Variants in SLCO3A1 observed in about 807,000 individuals in gnomAD.
SLCO3A1 encodes the protein PGE1 transporter.
Under a neutral mutation model 63.1 loss-of-function variants are expected in SLCO3A1, and 27 were observed. The observed-to-expected ratio is 0.43, with a 90% CI of 0.32 to 0.59. SLCO3A1 has a LOEUF of 0.59. Ranked by LOEUF, SLCO3A1 falls within the 20% of genes least tolerant of loss-of-function variation. The pLI, the probability that SLCO3A1 is intolerant of heterozygous loss-of-function variation, is 0.09. For synonymous variants in SLCO3A1, 473 were observed against 409.9 expected, an observed-to-expected ratio of 1.15 and a Z score of -1.86; for missense variants, 773 against 945.8, an observed-to-expected ratio of 0.82 and a Z score of 2.40.
At chr15:91,979,029 T>C (rs1901229946) in intron 2 of SLCO3A1, among the ~76,000 whole-genome samples, 1 of 152,224 alleles carries the variant, frequency 6.6e-6, no homozygotes, top group Non-Finnish European at 1.5e-5. Flanking sequence ...GTACTAACTA[T>C]CATTTATGAC....
At chr15:92,071,504 C>T (rs2047215686) in intron 2 of SLCO3A1, among the ~76,000 whole-genome samples, 1 of 152,204 alleles carries the variant, frequency 6.6e-6, no homozygotes, top group Non-Finnish European at 1.5e-5. Context: ...GGAAAAAACA[C>T]ACGTCAGAAA....
At chr15:92,019,759 G>A (rs528062882) in intron 2 of SLCO3A1, among the ~76,000 whole-genome samples, 4 of 152,304 alleles carry the variant, frequency 2.6e-5, no homozygotes, top group Admixed American at 6.5e-5. Flanking sequence ...AACTCCAGCC[G>A]GTGTGTGTGT....
rs574772241 is a variant in SLCO3A1, at chr15:92,048,736, T to C, written c.647-46145T>C. Among the ~76,000 whole-genome samples the C allele has an allele frequency of 4.6e-5, 7 of 152,214 alleles. 1 individual carries two copies. The South Asian group carries it at 1.5e-3, about 32-fold the overall frequency. On this transcript the variant is annotated intron_variant, in intron 2 of 9. Transcript: ENST00000318445. ...CAACATGGTGAAACCCCATCTCTACTAAAAATACAAAAATTAGCCAGGCTA... is the reference window on the plus strand; with the variant it reads ...CAACATGGTGAAACCCCATCTCTACCAAAAATACAAAAATTAGCCAGGCTA...
chr15:92,158,217 CTG>C (rs1296853772), intron 9 of SLCO3A1, among the ~76,000 whole-genome samples: 1 of 152,274 alleles, frequency 6.6e-6, no homozygotes, highest in African/African-American at 2.4e-5. Flanking sequence ...ATCAAACCCC[CTG>C]TGTGTTTCAC....
chr15:92,148,388 C>G lies in SLCO3A1; in HGVS notation c.1688+1229C>G, dbSNP rs74028831. On this transcript the variant is annotated intron_variant, in intron 8 of 9. Coordinates refer to ENST00000318445, the MANE Select transcript of SLCO3A1 (RefSeq NM_013272.4). Reference sequence around the variant, plus strand: ...CACTTTGCCAACCACATTTCCTCATCTTTATTATGAATTCCCAAGGAAGAG... The same window carrying G: ...CACTTTGCCAACCACATTTCCTCATGTTTATTATGAATTCCCAAGGAAGAG... Among the ~76,000 whole-genome samples the G allele has an allele frequency of 6.9e-3, 1,054 of 152,326 alleles. 13 individuals are homozygous for G. The highest frequency in any genetic ancestry group is 0.024 in the African/African-American group (1,005 of 41,566).
At chr15:91,915,381 CA>C (rs1898619718) in intron 1 of SLCO3A1, among the ~76,000 whole-genome samples, 1 of 152,154 alleles carries the variant, frequency 6.6e-6, no homozygotes, top group Non-Finnish European at 1.5e-5. Context: ...TTAGAACAGT[CA>C]GGGGTGTATT....
Position 91,900,453 on chromosome 15 carries a change from C to T in SLCO3A1, c.181-15540C>T, listed in dbSNP as rs541730946. On this transcript the variant is annotated intron_variant, in intron 1 of 9. Transcript: ENST00000318445. The surrounding 1 kb of genome is among the most constrained non-coding windows in gnomAD (Gnocchi z 4.3). ...CAAGCGATTCTCCTGCCTCAGCCTC[C>T]CCAGTAGCTGGGATTACAGGTGCAT... is the stretch of plus-strand genomic sequence containing the variant. Among the ~76,000 whole-genome samples, 1 of 152,320 alleles carries T rather than the reference C, an allele frequency of 6.6e-6. No homozygotes were observed. The highest frequency in any genetic ancestry group is 6.5e-5 in the Admixed American group (1 of 15,296).
intron 2 of SLCO3A1, among the ~76,000 whole-genome samples, chr15:92,061,095 G>T (rs2047081251): frequency 6.6e-6 from 1 of 152,176 alleles, no homozygotes; most frequent in African/African-American, 2.4e-5. Context: ...TGCCTTATAC[G>T]TGTTCGGTGA....
At chr15:92,119,890 G>C (rs1009356172) in intron 4 of SLCO3A1, among the ~76,000 whole-genome samples, 12 of 152,220 alleles carry the variant, frequency 7.9e-5, no homozygotes, top group African/African-American at 2.9e-4. Flanking sequence ...TTTTGCCAGA[G>C]AGGTAGCCAT....
chr15:91,854,201 G>A lies in SLCO3A1; in HGVS notation c.180+113G>A, dbSNP rs1896851770. The A allele has an allele frequency of 8.7e-7, 1 of 1,155,952 alleles. No individual in the cohort carries two copies. The highest frequency in any genetic ancestry group is 1.1e-6 in the Non-Finnish European group (1 of 902,796). 71.6% of individuals were successfully genotyped at this position (1,155,952 alleles called of 1,614,324 possible). On this transcript the variant is annotated intron_variant, in intron 1 of 9. Transcript: ENST00000318445. The surrounding 1 kb of genome is among the most constrained non-coding windows in gnomAD (Gnocchi z 6.4). ...GCTGGGGGCAGGCGGGCATGACCTC[G>A]GCCCGGCGTGGAGGTTGGCGAGTGG...
intron 2 of SLCO3A1, among the ~76,000 whole-genome samples, chr15:92,074,853 G>A (rs1195317207): frequency 2.0e-5 from 3 of 152,200 alleles, no homozygotes; most frequent in African/African-American, 7.2e-5. Flanking sequence ...TGTGCTGAGT[G>A]TAATCACTTC....
At chr15:91,961,950 A>C (rs1900463242) in intron 2 of SLCO3A1, among the ~76,000 whole-genome samples, 1 of 152,202 alleles carries the variant, frequency 6.6e-6, no homozygotes, top group African/African-American at 2.4e-5. Context: ...AGGTATTATA[A>C]TTCCCATCAT....
Position 91,957,159 on chromosome 15 carries a change from ATT to A in SLCO3A1, c.646+40711_646+40712del, listed in dbSNP as rs113837519. On this transcript the variant is annotated intron_variant, in intron 2 of 9. Coordinates refer to ENST00000318445, the MANE Select transcript of SLCO3A1 (RefSeq NM_013272.4). ...ACTATATATTATAATATATATATAT[ATT>A]TTTTTTTTTAGTAGAGACGGGGTTT... Among the ~76,000 whole-genome samples, 3 of 14,480 alleles carry A rather than the reference ATT, an allele frequency of 2.1e-4. 1 individual carries two copies. The highest frequency in any genetic ancestry group is 3.1e-4 in the Non-Finnish European group (3 of 9,640). The allele number at this position is 14,480 out of a possible 152,430, so 9.5% of individuals were successfully genotyped here. A position where few individuals can be genotyped will look rare whatever the true frequency, so the allele number is the denominator to read the frequency against.
intron 2 of SLCO3A1, among the ~76,000 whole-genome samples, chr15:92,052,591 C>T (rs920667182): frequency 3.3e-5 from 5 of 152,068 alleles, no homozygotes; most frequent in African/African-American, 4.8e-5. Flanking sequence ...TTATTCCAGC[C>T]ACATATACAC....
In SLCO3A1 at chr15:91,880,397, C is replaced by CTGTGTGTG. The variant is rs747889224; in HGVS notation, c.180+26310_180+26311insGTGTGTGT. On this transcript the variant is annotated intron_variant, in intron 1 of 9. Coordinates refer to ENST00000318445, the MANE Select transcript of SLCO3A1 (RefSeq NM_013272.4). ...CACTCGTGCTTCTCTCTCTCTCTCT[C>CTGTGTGTG]TCTCTCTCTCTCTGTGTGTGTGTGT... is the stretch of plus-strand genomic sequence containing the variant. Among the ~76,000 whole-genome samples, 625 of 94,196 alleles carry CTGTGTGTG rather than the reference C, an allele frequency of 6.6e-3. 3 individuals carry two copies. The highest frequency in any genetic ancestry group is 0.023 in the South Asian group (43 of 1,890). 61.8% of individuals were successfully genotyped at this position (94,196 alleles called of 152,430 possible).
At chr15:92,073,484 T>C (rs2047240578) in intron 2 of SLCO3A1, among the ~76,000 whole-genome samples, 1 of 152,224 alleles carries the variant, frequency 6.6e-6, no homozygotes, top group Admixed American at 6.5e-5. Context: ...ATCTTTTCCT[T>C]TGGCAGAAAA....
At chr15:92,068,887 G>T (rs992766980) in intron 2 of SLCO3A1, among the ~76,000 whole-genome samples, 2 of 152,170 alleles carry the variant, frequency 1.3e-5, no homozygotes, top group African/African-American at 2.4e-5. Flanking sequence ...GAACCTCTCT[G>T]TGCCTCATTC....
rs1897084188 is a variant in SLCO3A1, at chr15:91,862,996, G to A, written c.180+8908G>A. Among the ~76,000 whole-genome samples, 1 of 152,174 alleles carries A rather than the reference G, an allele frequency of 6.6e-6. No homozygotes were observed. Among genetic ancestry groups the A allele is most frequent in the South Asian group, 2.1e-4 (1 of 4,830 alleles). On this transcript the variant is annotated intron_variant, in intron 1 of 9. Transcript: ENST00000318445. The surrounding 1 kb of genome is among the most constrained non-coding windows in gnomAD (Gnocchi z 4.0). ...GAAATTACCACCTTGAATATAAGCA[G>A]GTTGAAATTGGGAGAGCTGCCCTCA...
chr15:91,960,419 C>G (rs8025507), intron 2 of SLCO3A1, among the ~76,000 whole-genome samples: 41,960 of 152,022 alleles, frequency 0.28, 6,114 homozygotes, highest in East Asian at 0.38. Context: ...CACTTTTTCA[C>G]TGTGAAGAAT....
Sources: gnomAD v4.1 joint callset for allele counts (sites outside exome capture counted in the v4.1 genomes callset) on GRCh38, gnomAD v4.1.1 for gene constraint, Gnocchi (gnomAD v3.1) non-coding constraint, MANE v1.5 for transcripts, NCBI Gene and HGNC (gene_info 2026-07-23, HGNC 2026-07-21) for gene names.